Variants in PCDHGA6 observed in about 807,000 individuals in gnomAD.
The protein encoded by PCDHGA6 is protocadherin gamma subfamily A, 6.
A neutral mutation model predicts 60.6 loss-of-function variants in PCDHGA6; 41 were observed. The ratio of observed to expected loss-of-function variants is 0.68; its 90% CI spans 0.53 to 0.88. The LOEUF (loss-of-function observed/expected upper bound fraction) is 0.88. PCDHGA6 is among the 40% of genes least tolerant of loss of function. PCDHGA6 has a pLI of 0.00. For synonymous variants in PCDHGA6, 594 were observed against 524.4 expected (o/e 1.13, Z -1.81); for missense variants, 1,312 against 1,203.0 (o/e 1.09, Z -1.34).
chr5:141,398,661 C>A, intron 1 of PCDHGA6: 1 of 1,614,018 alleles, frequency 6.2e-7, no homozygotes, highest in Non-Finnish European at 8.5e-7. Context: ...ACCCAAGTTT[C>A]TCATTAATAA....
intron 1 of PCDHGA6, among the ~76,000 whole-genome samples, chr5:141,480,615 AT>A (rs1279544819): frequency 2.0e-5 from 3 of 152,218 alleles, no homozygotes; most frequent in African/African-American, 7.2e-5. Context: ...AGCAACTGGC[AT>A]TTTCCCTAGA....
intron 1 of PCDHGA6, chr5:141,414,939 C>T (rs773327918): frequency 2.5e-6 from 4 of 1,614,090 alleles, no homozygotes; most frequent in Admixed American, 1.7e-5. Context: ...CCGCAGAGCC[C>T]GGCTACCTGG....
At chr5:141,419,471 G>A in intron 1 of PCDHGA6, 1 of 1,612,462 alleles carries the variant, frequency 6.2e-7, no homozygotes, top group Non-Finnish European at 8.5e-7. Context: ...CCGCGACCAG[G>A]GCTCGCCCGC....
chr5:141,382,699 G>C lies in PCDHGA6; in HGVS notation c.2424+6192G>C, dbSNP rs6876944. The stretch of plus-strand genomic sequence containing the variant: ...CCAACCAGGGAAAAATGGTGCGAGA[G>C]ATCCCACAGAAACCACCGAGTTTTA... On this transcript the variant is annotated intron_variant, in intron 1 of 3. Transcript: ENST00000517434. 3,018 of 458,814 alleles carry C rather than the reference G, an allele frequency of 6.6e-3. 90 individuals carry two copies. Among genetic ancestry groups the C allele is most frequent in the African/African-American group, 0.053 (2,693 of 50,344 alleles). 28.4% of individuals were successfully genotyped at this position (458,814 alleles called of 1,614,324 possible).
chr5:141,501,693 G>T (rs1417828433), intron 2 of PCDHGA6, among the ~76,000 whole-genome samples: 1 of 152,028 alleles, frequency 6.6e-6, no homozygotes, highest in Non-Finnish European at 1.5e-5. Context: ...TATCTGCAGG[G>T]TGATTCCGAG....
At chr5:141,472,807 G>T (rs573078292) in intron 1 of PCDHGA6, among the ~76,000 whole-genome samples, 43 of 151,782 alleles carry the variant, frequency 2.8e-4, no homozygotes, top group African/African-American at 1.0e-3. Flanking sequence ...CCAACATGGA[G>T]AAACCCCCGT....
chr5:141,453,111 G>A (rs1040339344), intron 1 of PCDHGA6, among the ~76,000 whole-genome samples: 5 of 151,718 alleles, frequency 3.3e-5, no homozygotes, highest in Non-Finnish European at 5.9e-5. Flanking sequence ...TTTTTGTTTT[G>A]TTTTGTTTTG....
intron 1 of PCDHGA6, chr5:141,419,783 C>A: frequency 1.2e-6 from 2 of 1,614,070 alleles, no homozygotes; most frequent in Non-Finnish European, 1.7e-6. Context: ...CCGCCAGCGC[C>A]TGCTAGTCGC....
rs548074156 is a variant in PCDHGA6 at position 141,511,069 on chromosome 5, G to A, written c.2695G>A (p.Gly899Ser). The A allele has an allele frequency of 6.2e-7, 1 of 1,614,230 alleles. No individual in the cohort carries two copies. Among genetic ancestry groups the A allele is most frequent in the Non-Finnish European group, 8.5e-7 (1 of 1,180,034 alleles). ...CTACCGCCAGAATGTCTACATCCCA[G>A]GCAGCAATGCCACACTGACCAACGC... ...PDYRQNVYIP[G>S]SNATLTNAAG... The change falls in exon 4 of 4, where the codon GGC becomes AGC. Residue 899 changes from glycine (G) to serine (S), a missense_variant. Physicochemically the swap from Gly to Ser is moderately conservative, Grantham distance 56 (BLOSUM62 0). Transcript: ENST00000517434.
chr5:141,395,515 C>A, intron 1 of PCDHGA6: 1 of 407,332 alleles, frequency 2.5e-6, no homozygotes, highest in Non-Finnish European at 4.4e-6. Flanking sequence ...AGTAGCTACC[C>A]GTCCATACTG....
intron 1 of PCDHGA6, among the ~76,000 whole-genome samples, chr5:141,452,745 GGAA>G (rs2098748194): frequency 6.6e-6 from 1 of 152,054 alleles, no homozygotes; most frequent in Non-Finnish European, 1.5e-5. Flanking sequence ...AGAGAGAGAA[GGAA>G]GAAGGAAGGG....
At position 141,491,798 on chromosome 5, in the gene PCDHGA6, G is replaced by A. The variant is rs1269524283; in HGVS notation, c.2425-3009G>A. 1 of 1,506,648 alleles carries A rather than the reference G, an allele frequency of 6.6e-7. No homozygotes were observed. The highest frequency in any genetic ancestry group is 8.9e-7 in the Non-Finnish European group (1 of 1,128,050). The allele number at this position is 1,506,648 out of a possible 1,614,324, so 93.3% of individuals were successfully genotyped here. ...TTGAACTTGCATCCACTCCTCTCCG[G>A]CCGGCTTGGTCGCTGGCTGCGCTCC... On this transcript the variant is annotated intron_variant, in intron 1 of 3. Coordinates refer to ENST00000517434, the MANE Select transcript of PCDHGA6 (RefSeq NM_018919.3). This position sits in a 1 kb window ranked among gnomAD's most constrained non-coding sequence, Gnocchi z 6.9.
In PCDHGA6 at chr5:141,476,182, G is replaced by A. The variant is rs369561139; in HGVS notation, c.2425-18625G>A. On this transcript the variant is annotated intron_variant, in intron 1 of 3. Coordinates refer to ENST00000517434, the MANE Select transcript of PCDHGA6 (RefSeq NM_018919.3). This position sits in a 1 kb window ranked among gnomAD's most constrained non-coding sequence, Gnocchi z 7.6. ...GGAGGGTAGTGGGAGTTTTGCTTCT[G>A]CTTGGTGCCTTGAACAAGGCTTCCA... 5 of 1,613,554 alleles carry A rather than the reference G, an allele frequency of 3.1e-6. No homozygotes were observed. Among genetic ancestry groups the A allele is most frequent in the Admixed American group, 1.7e-5 (1 of 59,996 alleles).
At chr5:141,478,766 T>C in intron 1 of PCDHGA6, 2 of 1,505,456 alleles carry the variant, frequency 1.3e-6, no homozygotes, top group Non-Finnish European at 1.8e-6. Flanking sequence ...GATACTTGAC[T>C]CATCTGTGGA....
rs1289898516 is a variant in PCDHGA6 at position 141,487,019 on chromosome 5, C to G, written c.2425-7788C>G. ...CTATCAGCTCCTGGAGGCCCCAGAT[C>G]CCAGCCTGTTTGCAGTCTCTCGATA... On this transcript the variant is annotated intron_variant, in intron 1 of 3. Transcript: ENST00000517434. The surrounding 1 kb of genome is among the most constrained non-coding windows in gnomAD (Gnocchi z 5.0). 1 of 1,614,204 alleles carries G rather than the reference C, an allele frequency of 6.2e-7. No homozygotes were observed. The highest frequency in any genetic ancestry group is 8.5e-7 in the Non-Finnish European group (1 of 1,180,042).
chr5:141,475,721 G>C (rs867365261), intron 1 of PCDHGA6, among the ~76,000 whole-genome samples: 5 of 152,248 alleles, frequency 3.3e-5, no homozygotes, highest in Non-Finnish European at 7.3e-5. Context: ...ACAGCCCCAA[G>C]GCTGGCTTTC....
At position 141,432,987 on chromosome 5, in the gene PCDHGA6, T is replaced by C. The variant is rs1259121931; in HGVS notation, c.2424+56480T>C. ...GCGCCGGCGTCGCACTTTGTGGGCGTGGACGGGGTGCAGGCTTTCCTGCAG... is the reference window on the plus strand; with the variant it reads ...GCGCCGGCGTCGCACTTTGTGGGCGCGGACGGGGTGCAGGCTTTCCTGCAG... On this transcript the variant is annotated intron_variant, in intron 1 of 3. Coordinates refer to ENST00000517434, the MANE Select transcript of PCDHGA6 (RefSeq NM_018919.3). The surrounding 1 kb of genome is among the most constrained non-coding windows in gnomAD (Gnocchi z 6.0). The C allele has an allele frequency of 3.7e-6, 6 of 1,614,174 alleles. No individual in the cohort carries two copies. Among genetic ancestry groups the C allele is most frequent in the Non-Finnish European group, 5.1e-6 (6 of 1,180,032 alleles).
chr5:141,484,096 G>A (rs539388257), intron 1 of PCDHGA6, among the ~76,000 whole-genome samples: 1 of 152,126 alleles, frequency 6.6e-6, no homozygotes, highest in South Asian at 2.1e-4. Flanking sequence ...GTCTTCGTTG[G>A]TAATTAACAA....
chr5:141,386,174 A>G (rs2090487407), intron 1 of PCDHGA6, among the ~76,000 whole-genome samples: 1 of 152,240 alleles, frequency 6.6e-6, no homozygotes, highest in South Asian at 2.1e-4. Flanking sequence ...ACCTTAGACC[A>G]TCTTATGTAC....
Sources: allele counts gnomAD v4.1 joint callset (sites outside exome capture counted in the v4.1 genomes callset), GRCh38; gene constraint gnomAD v4.1.1; non-coding constraint Gnocchi (gnomAD v3.1); transcripts MANE v1.5; gene names NCBI Gene and HGNC (gene_info 2026-07-23, HGNC 2026-07-21).